Variants in GRM8 observed in about 807,000 individuals in gnomAD.
GRM8 encodes glutamate metabotropic receptor 8, also known as metabotropic glutamate receptor 8.
A neutral mutation model predicts 87.2 loss-of-function variants in GRM8; 47 were observed. The observed-to-expected ratio is 0.54, with a 90% CI of 0.43 to 0.69. The LOEUF (loss-of-function observed/expected upper bound fraction) is 0.69, where lower values mean the gene tolerates loss of function less well. Ranked by LOEUF, GRM8 falls within the 30% of genes least tolerant of loss-of-function variation. The pLI is 0.00. For missense variants in GRM8, 1,019 were observed against 1,139.2 expected (o/e 0.89, Z 1.52); for synonymous variants, 396 against 404.5 (o/e 0.98, Z 0.25).
intron 9 of GRM8, among the ~76,000 whole-genome samples, chr7:126,478,106 G>C (rs752976489): frequency 2.0e-5 from 3 of 152,088 alleles, no homozygotes; most frequent in African/African-American, 7.2e-5. Flanking sequence ...CTTTAGATCT[G>C]CTAAGGCCCC....
Position 127,220,727 on chromosome 7 carries a change from A to T in GRM8, c.510+21968T>A, listed in dbSNP as rs181713340. Among the ~76,000 whole-genome samples the T allele has an allele frequency of 2.7e-4, 41 of 151,602 alleles. No individual in the cohort carries two copies. In the East Asian group the frequency reaches 7.8e-3, roughly 29 times the overall value. ...TGGTCTCAAACTCCTGGGCTCAAGT[A>T]CTCCCCCTATCTTGGCCTCCCAAGT... On this transcript the variant is annotated intron_variant, in intron 2 of 10. Transcript: ENST00000339582.
intron 7 of GRM8, among the ~76,000 whole-genome samples, chr7:126,716,338 T>C (rs1296050910): frequency 6.6e-6 from 1 of 151,824 alleles, no homozygotes. Flanking sequence ...TCTGGAGTTG[T>C]GAAGCAGTTA....
rs879227106 is a variant in GRM8 at position 126,903,865 on chromosome 7, T to A, written c.1018+107A>T. 9 of 561,792 alleles carry A rather than the reference T, an allele frequency of 1.6e-5. No individual in the cohort carries two copies. The South Asian group carries it at 4.0e-4, about 25-fold the overall frequency. 34.8% of individuals were successfully genotyped at this position (561,792 alleles called of 1,614,324 possible). On this transcript the variant is annotated intron_variant, in intron 5 of 10. Coordinates refer to ENST00000339582, the MANE Select transcript of GRM8 (RefSeq NM_000845.3). ...TCTGCCACCAAAGCTAAAATTTGTA[T>A]CAAGTCATCAGTAATGAGTGCATTT...
chr7:126,917,823 G>C (rs1255701219), intron 3 of GRM8, among the ~76,000 whole-genome samples: 1 of 152,172 alleles, frequency 6.6e-6, no homozygotes, highest in African/African-American at 2.4e-5. Context: ...GCACAGTTTA[G>C]ATAAATGTTT....
intron 2 of GRM8, among the ~76,000 whole-genome samples, chr7:127,165,868 T>C (rs4728066): frequency 1 from 152,219 of 152,224 alleles, 76,107 homozygotes; most frequent in Middle Eastern, 1. Context: ...CTGCTAACTT[T>C]GGGGAGGTGT....
chr7:127,196,850 G>T (rs191343735), intron 2 of GRM8, among the ~76,000 whole-genome samples: 1 of 152,106 alleles, frequency 6.6e-6, no homozygotes, highest in African/African-American at 2.4e-5. Flanking sequence ...TATGGTTTTG[G>T]TGAAGACTAA....
intron 3 of GRM8, among the ~76,000 whole-genome samples, chr7:127,027,296 T>G (rs926516507): frequency 6.6e-6 from 1 of 152,176 alleles, no homozygotes; most frequent in Non-Finnish European, 1.5e-5. Context: ...TCTTTTTGCT[T>G]AGGATTGTCT....
chr7:126,470,349 C>A lies in GRM8; in HGVS notation c.2431-23977G>T, dbSNP rs1467156700. Among the ~76,000 whole-genome samples, 10 of 110,010 alleles carry A rather than the reference C, an allele frequency of 9.1e-5. No homozygotes were observed. The East Asian group carries it at 3.2e-3, about 36-fold the overall frequency. 72.2% of individuals were successfully genotyped at this position (110,010 alleles called of 152,430 possible). On this transcript the variant is annotated intron_variant, in intron 9 of 10. Coordinates refer to ENST00000339582, the MANE Select transcript of GRM8 (RefSeq NM_000845.3). ...ATGCTATCCCTCCCCCCTCCCCCCA[C>A]CCCACAACAGTCCCCAGAGTGTGAG...
chr7:127,182,632 G>GGTGTGT (rs35530710), intron 2 of GRM8, among the ~76,000 whole-genome samples: 1,916 of 141,762 alleles, frequency 0.014, 17 homozygotes, highest in East Asian at 0.038. Flanking sequence ...AAGAAAGTGT[G>GGTGTGT]GTGTGTGTGT....
intron 2 of GRM8, 49 bp from the exon 3 acceptor site, chr7:127,106,761 A>C (rs1563515026): frequency 1.5e-6 from 2 of 1,315,108 alleles, no homozygotes; most frequent in Non-Finnish European, 2.2e-6. Context: ...ATCTTGAAGA[A>C]TGATGGATTG....
intron 9 of GRM8, among the ~76,000 whole-genome samples, chr7:126,474,968 G>C (rs1805728695): frequency 6.6e-6 from 1 of 152,036 alleles, no homozygotes; most frequent in Non-Finnish European, 1.5e-5. Context: ...AACAAATTAG[G>C]TGGAAAGATC....
At chr7:126,910,312 A>G (rs554614516) in intron 3 of GRM8, among the ~76,000 whole-genome samples, 7 of 152,126 alleles carry the variant, frequency 4.6e-5, no homozygotes, top group African/African-American at 9.7e-5. Context: ...TTCTTCTTCA[A>G]TTAGAAATCC....
chr7:127,102,120 T>C (rs1395403307), intron 3 of GRM8, among the ~76,000 whole-genome samples: 1 of 152,146 alleles, frequency 6.6e-6, no homozygotes, highest in Non-Finnish European at 1.5e-5. Context: ...GCAGAAGAAA[T>C]TTCTATGCAG....
chr7:127,028,719 C>CT (rs1817057999), intron 3 of GRM8, among the ~76,000 whole-genome samples: 1 of 152,046 alleles, frequency 6.6e-6, no homozygotes, highest in Non-Finnish European at 1.5e-5. Flanking sequence ...TTTGATCCTT[C>CT]TTTCTTTTCT....
intron 8 of GRM8, among the ~76,000 whole-genome samples, chr7:126,536,462 T>A (rs10230565): frequency 0.15 from 22,507 of 152,178 alleles, 1,830 homozygotes; most frequent in Middle Eastern, 0.2. Flanking sequence ...CTGTCATATG[T>A]CATCAGGGCA....
chr7:126,528,139 G>A (rs562080038), intron 9 of GRM8, among the ~76,000 whole-genome samples: 2 of 152,294 alleles, frequency 1.3e-5, no homozygotes, highest in South Asian at 2.1e-4. Context: ...TGAAGGCAGA[G>A]GTTGCAGTGA....
chr7:126,984,599 C>A (rs897157921), intron 3 of GRM8, among the ~76,000 whole-genome samples: 1 of 152,218 alleles, frequency 6.6e-6, no homozygotes, highest in Non-Finnish European at 1.5e-5. Context: ...CCTCAGCTTG[C>A]AGACAGCCTA....
intron 9 of GRM8, among the ~76,000 whole-genome samples, chr7:126,520,684 C>G (rs1438437944): frequency 6.6e-6 from 1 of 151,972 alleles, no homozygotes; most frequent in Non-Finnish European, 1.5e-5. Flanking sequence ...ATATCATTAG[C>G]AATCACCAAT....
chr7:126,897,300 A>G (rs1437453608), intron 6 of GRM8, among the ~76,000 whole-genome samples: 1 of 152,172 alleles, frequency 6.6e-6, no homozygotes, highest in Non-Finnish European at 1.5e-5. Flanking sequence ...TTTAAAAAGT[A>G]AAGCAAAACT....
Sources: allele counts gnomAD v4.1 joint callset (sites outside exome capture counted in the v4.1 genomes callset), GRCh38; gene constraint gnomAD v4.1.1; transcripts MANE v1.5; gene names NCBI Gene and HGNC (gene_info 2026-07-23, HGNC 2026-07-21).